CCDC122: variants seen among roughly 807,000 people sequenced by gnomAD.
CCDC122 encodes coiled-coil domain containing 122.
In CCDC122, 38 loss-of-function variants were observed where a neutral mutation model predicts 37.0. The observed-to-expected ratio is 1.03, with a 90% confidence interval of 0.79 to 1.35. The LOEUF is 1.35. Ranked by LOEUF, CCDC122 falls within the 40% of genes most tolerant of loss-of-function variation. The probability of loss-of-function intolerance (pLI) is 0.00; values close to 1 mark genes in which losing one functional copy is unlikely to be tolerated. For missense variants in CCDC122, 305 were observed against 310.0 expected, an observed-to-expected ratio of 0.98 and a Z score of 0.12; for synonymous variants, 83 against 95.6, an observed-to-expected ratio of 0.87 and a Z score of 0.77.
Position 43,868,717 on chromosome 13 carries a change from T to G in CCDC122, c.133A>C (p.Lys45Gln). Residue 45 changes from lysine to glutamine, a missense_variant, in exon 4 of 7, where the codon AAA (lysine) becomes CAA (glutamine). Transcript: ENST00000444614. The stretch of plus-strand genomic sequence containing the variant: ...ACCTTCAAATTGAACAGAACCTTTT[T>G]GTTTTTTTCTATCTCTGATGCTTGT... Reference protein sequence around the residue: ...QSQASEIEKNKKVLFNLKNEL... With the variant: ...QSQASEIEKNQKVLFNLKNEL... 1 of 1,556,844 alleles carries G rather than the reference T, an allele frequency of 6.4e-7. No individual in the cohort carries two copies. The highest frequency in any genetic ancestry group is 8.7e-7 in the Non-Finnish European group (1 of 1,151,236).
At chr13:43,856,970 G>A (rs1025699758) in intron 6 of CCDC122, among the ~76,000 whole-genome samples, 4 of 152,022 alleles carry the variant, frequency 2.6e-5, no homozygotes, top group African/African-American at 9.7e-5. Flanking sequence ...AAATTAAAAG[G>A]TAATTTCACA....
chr13:43,844,938 T>C (rs1953469853), intron 6 of CCDC122, among the ~76,000 whole-genome samples: 1 of 152,164 alleles, frequency 6.6e-6, no homozygotes, highest in South Asian at 2.1e-4. Context: ...TCCCTTTTAA[T>C]TGGAATGCTT....
At chr13:43,834,502 C>T (rs1439455210), downstream of CCDC122, among the ~76,000 whole-genome samples, 5 of 152,054 alleles carry the variant, frequency 3.3e-5, no homozygotes, top group Admixed American at 6.6e-5. Flanking sequence ...CAAAATAAAC[C>T]ACCATCAGAG....
intron 1 of CCDC122, among the ~76,000 whole-genome samples, chr13:43,878,812 C>T (rs1954751343): frequency 6.6e-6 from 1 of 152,042 alleles, no homozygotes; most frequent in Non-Finnish European, 1.5e-5. Flanking sequence ...TTTAAAAGGC[C>T]ATAGAGGACA....
intron 4 of CCDC122, among the ~76,000 whole-genome samples, chr13:43,868,238 G>A (rs17571505): frequency 0.03 from 4,595 of 151,980 alleles, 96 homozygotes; most frequent in Admixed American, 0.045. Context: ...CGTTGCATGC[G>A]AAGACCAAGT....
In CCDC122 at chr13:43,836,694, CA is replaced by C; in HGVS notation, c.*585del. 1 of 150,482 alleles carries C rather than the reference CA, an allele frequency of 6.6e-6. No homozygotes were observed. Among genetic ancestry groups the C allele is most frequent in the South Asian group, 2.1e-4 (1 of 4,704 alleles). 9.3% of individuals were successfully genotyped at this position (150,482 alleles called of 1,614,324 possible). On this transcript the variant is annotated 3_prime_UTR_variant, in exon 7 of 7. Transcript: ENST00000444614. ...TGAAACCCCGTCTCTACTAAAAATA[CA>C]AAAAATTAGCCGGGCGCGGTGGCGG... is the stretch of plus-strand genomic sequence containing the variant.
intron 6 of CCDC122, among the ~76,000 whole-genome samples, chr13:43,846,669 C>T (rs75849484): frequency 0.034 from 5,246 of 152,186 alleles, 157 homozygotes; most frequent in African/African-American, 0.072. Context: ...TGGGCAGTTG[C>T]TGTAGTGGGC....
chr13:43,853,840 A>G (rs926211451), intron 6 of CCDC122, among the ~76,000 whole-genome samples: 2 of 152,202 alleles, frequency 1.3e-5, no homozygotes, highest in Non-Finnish European at 2.9e-5. Flanking sequence ...AATTCACCCA[A>G]AACCACACAA....
chr13:43,864,971 T>TA (rs1436175007), intron 4 of CCDC122, among the ~76,000 whole-genome samples: 3 of 152,088 alleles, frequency 2.0e-5, no homozygotes, highest in East Asian at 3.9e-4. Context: ...TAGGAAACCT[T>TA]AAACTATGCG....
intron 2 of CCDC122, among the ~76,000 whole-genome samples, chr13:43,871,162 T>C (rs1022304865): frequency 3.9e-5 from 6 of 152,128 alleles, no homozygotes; most frequent in African/African-American, 1.4e-4. Flanking sequence ...CCACTATATT[T>C]TGTATTCCTA....
intron 6 of CCDC122, among the ~76,000 whole-genome samples, chr13:43,842,616 G>A (rs891307240): frequency 2.0e-5 from 3 of 151,592 alleles, no homozygotes; most frequent in Admixed American, 2.0e-4. Context: ...CATCATTTGA[G>A]GGGAAATTTG....
chr13:43,843,575 C>T (rs547174856), intron 6 of CCDC122, among the ~76,000 whole-genome samples: 1 of 152,008 alleles, frequency 6.6e-6, no homozygotes, highest in South Asian at 2.1e-4. Flanking sequence ...TGTTCACCTC[C>T]TAAAATGAGT....
Position 43,851,249 on chromosome 13 carries a change from GAAGA to G in CCDC122, c.672+7528_672+7531del, listed in dbSNP as rs373156942. Among the ~76,000 whole-genome samples the G allele has an allele frequency of 4.0e-3, 614 of 152,230 alleles. 2 individuals carry two copies. The highest frequency in any genetic ancestry group is 8.8e-3 in the Admixed American group (134 of 15,280). ...ATAAGAAGAAATCATAGAATGTCAG[GAAGA>G]AAGAACATAATAAAGCAAAACTATG... On this transcript the variant is annotated intron_variant, in intron 6 of 6. Transcript: ENST00000444614.
intron 2 of CCDC122, among the ~76,000 whole-genome samples, chr13:43,874,244 T>C (rs949698808): frequency 3.9e-5 from 6 of 152,184 alleles, no homozygotes; most frequent in Admixed American, 3.3e-4. Context: ...TCCTTACTTA[T>C]AAAATGGGAA....
intron 6 of CCDC122, among the ~76,000 whole-genome samples, chr13:43,852,511 T>C (rs747434969): frequency 3.3e-5 from 5 of 152,084 alleles, no homozygotes; most frequent in Admixed American, 2.6e-4. Flanking sequence ...CTATGACTCA[T>C]TGGAGTCCCT....
At position 43,858,820 on chromosome 13, in the gene CCDC122, TTCC is replaced by T. The variant is rs151127816; in HGVS notation, c.630_632del (p.Glu212del). On this transcript the variant is annotated inframe_deletion, in exon 6 of 7. Coordinates refer to ENST00000444614, the MANE Select transcript of CCDC122 (RefSeq NM_144974.5). The stretch of plus-strand genomic sequence containing the variant: ...TTAATTTTTCATGTGTCTTTTTTTC[TTCC>T]TCAAGAAAACAAGTTTTTTCAATGA... 2 of 1,429,610 alleles carry T rather than the reference TTCC, an allele frequency of 1.4e-6. No homozygotes were observed. The highest frequency in any genetic ancestry group is 1.4e-5 in the African/African-American group (1 of 69,802). The allele number at this position is 1,429,610 out of a possible 1,614,324, so 88.6% of individuals were successfully genotyped here. A position where few individuals can be genotyped will look rare whatever the true frequency, so the allele number is the denominator to read the frequency against.
intron 3 of CCDC122, among the ~76,000 whole-genome samples, chr13:43,830,894 C>A (rs1346049045): frequency 6.6e-6 from 1 of 151,970 alleles, no homozygotes; most frequent in African/African-American, 2.4e-5. Context: ...GAGGAAGCTG[C>A]ATTTTTTATT....
chr13:43,833,000 A>G (rs1003066629), downstream of CCDC122, among the ~76,000 whole-genome samples: 32 of 152,348 alleles, frequency 2.1e-4, no homozygotes, highest in African/African-American at 7.0e-4. Flanking sequence ...TAGCATGATT[A>G]ATCAATTGAC....
chr13:43,874,506 CAATAAA>C (rs1417083905), intron 2 of CCDC122, among the ~76,000 whole-genome samples: 1 of 152,016 alleles, frequency 6.6e-6, no homozygotes. Context: ...TGGATTTATA[CAATAAA>C]AATAAAGTAA....
Sources: gnomAD v4.1 joint callset for allele counts (sites outside exome capture counted in the v4.1 genomes callset) on GRCh38, gnomAD v4.1.1 for gene constraint, MANE v1.5 for transcripts, NCBI Gene and HGNC (gene_info 2026-07-23, HGNC 2026-07-21) for gene names.